The following PPFIA4 variants were observed in gnomAD, a reference collection of about 807,000 sequenced individuals.
The protein encoded by PPFIA4 is PPFI scaffold protein A4, also known as liprin-alpha-4.
A neutral mutation model predicts 145.7 loss-of-function variants in PPFIA4; 98 were observed. The ratio of observed to expected loss-of-function variants is 0.67; its 90% CI spans 0.57 to 0.80. The LOEUF (loss-of-function observed/expected upper bound fraction) is 0.80. PPFIA4 is among the 30% of genes least tolerant of loss of function. The pLI is 0.00. For synonymous variants in PPFIA4, 628 were observed against 649.6 expected, an observed-to-expected ratio of 0.97 and a Z score of 0.51; for missense variants, 1,457 against 1,632.7, an observed-to-expected ratio of 0.89 and a Z score of 1.85.
chr1:203,045,885 G>A lies in PPFIA4; in HGVS notation c.903G>A (p.Leu301=). ...ACATGGAAGAGCGGATTACTACACT[G>A]GAGAAGCGCTACCTGGCTGCTCAGC... is the stretch of plus-strand genomic sequence containing the variant. The part of the protein sequence containing the change: ...KEDMEERITT[L]EKRYLAAQRE... The change falls in exon 8 of 30, where the codon CTG becomes CTA. Residue 301 remains leucine (L), a synonymous_variant. Coordinates refer to ENST00000295706, the MANE Select transcript of PPFIA4 (RefSeq NM_001304331.2). 1 of 1,612,830 alleles carries A rather than the reference G, an allele frequency of 6.2e-7. No homozygotes were observed. Among genetic ancestry groups the A allele is most frequent in the Non-Finnish European group, 8.5e-7 (1 of 1,179,870 alleles).
Position 203,075,921 on chromosome 1 carries a change from TAACCCGCCG to T in PPFIA4, c.3574+165_3574+173del. On this transcript the variant is annotated intron_variant, in intron 29 of 29. Coordinates refer to ENST00000295706, the MANE Select transcript of PPFIA4 (RefSeq NM_001304331.2). This position sits in a 1 kb window ranked among gnomAD's most constrained non-coding sequence, Gnocchi z 4.1. ...CTCCGCGGGGAGCGTGTGTGCGCAC[TAACCCGCCG>T]CTCTGTGTGTTCTCCCGCGGCTGCC... The T allele has an allele frequency of 2.8e-6, 2 of 711,678 alleles. No individual in the cohort carries two copies. Among genetic ancestry groups the T allele is most frequent in the Non-Finnish European group, 2.1e-6 (1 of 483,092 alleles). 44.1% of individuals were successfully genotyped at this position (711,678 alleles called of 1,614,324 possible).
Position 203,068,726 on chromosome 1 carries a change from G to C in PPFIA4, c.3324+98G>C. ...ACACAAAGGCTTAGGTATCTTGGGG[G>C]GTGGGGAGCTTTTCTAGGGCCTATG... On this transcript the variant is annotated intron_variant, in intron 27 of 29. Transcript: ENST00000295706. This position sits in a 1 kb window ranked among gnomAD's most constrained non-coding sequence, Gnocchi z 4.7. The C allele has an allele frequency of 2.4e-6, 3 of 1,275,876 alleles. No homozygotes were observed. The highest frequency in any genetic ancestry group is 5.9e-5 in the East Asian group (2 of 33,682). 79.0% of individuals were successfully genotyped at this position (1,275,876 alleles called of 1,614,324 possible). A position where few individuals can be genotyped will look rare whatever the true frequency, so the allele number is the denominator to read the frequency against.
intron 1 of PPFIA4, among the ~76,000 whole-genome samples, chr1:203,032,426 C>CTTTTTTTTTTTTTTTTTTTTTTTT (rs67178955): frequency 1.7e-5 from 1 of 59,484 alleles, no homozygotes; most frequent in Admixed American, 1.3e-4. Context: ...CCCTTCCCCG[C>CTTTTTTTTTTTTTTTTTTTTTTTT]TTTTTTGTTG....
chr1:203,057,444 C>G (rs1336193822), intron 19 of PPFIA4, among the ~76,000 whole-genome samples: 1 of 152,200 alleles, frequency 6.6e-6, no homozygotes, highest in Non-Finnish European at 1.5e-5. Flanking sequence ...GCAAGCGTGG[C>G]ATCGTTATCA....
At position 203,061,051 on chromosome 1, in the gene PPFIA4, C is replaced by T. The variant is rs371341667; in HGVS notation, c.2847+19C>T. On this transcript the variant is annotated intron_variant, in intron 23 of 29. Coordinates refer to ENST00000295706, the MANE Select transcript of PPFIA4 (RefSeq NM_001304331.2). ...TAAAACAGTGAGTCTGGCCCTTGGC[C>T]TTTGTCCCTGGGCCTGGGGTTGGGA... The T allele has an allele frequency of 5.7e-4, 926 of 1,613,300 alleles. 2 individuals are homozygous for T. Among genetic ancestry groups the T allele is most frequent in the Non-Finnish European group, 2.1e-4 (242 of 1,179,246 alleles).
rs1023777799 is a variant in PPFIA4, at chr1:203,055,720, G to A, written c.2070+48G>A. ...GCCTGGCATCACTGGACCCTGCACC[G>A]GGGGAGGTTTTAAGGGATGGTAGGA... is the stretch of plus-strand genomic sequence containing the variant. On this transcript the variant is annotated intron_variant, in intron 16 of 29. Transcript: ENST00000295706. The surrounding 1 kb of genome is among the most constrained non-coding windows in gnomAD (Gnocchi z 4.8). The A allele has an allele frequency of 3.1e-6, 5 of 1,605,432 alleles. No individual in the cohort carries two copies. The African/African-American group carries it at 4.0e-5, about 13-fold the overall frequency.
In PPFIA4 at chr1:203,054,506, G is replaced by A. The variant is rs372771615; in HGVS notation, c.1829+545G>A. ...GGCATCAAACAGAAACAGTGACAGG[G>A]AACGTTGTGAAAACCTTCACTTTGT... is the stretch of plus-strand genomic sequence containing the variant. On this transcript the variant is annotated intron_variant, in intron 15 of 29. Transcript: ENST00000295706. Among the ~76,000 whole-genome samples the A allele has an allele frequency of 6.6e-5, 10 of 152,284 alleles. No homozygotes were observed. In the East Asian group the frequency reaches 9.6e-4, roughly 15 times the overall value.
intron 28 of PPFIA4, among the ~76,000 whole-genome samples, chr1:203,073,280 C>T (rs894901040): frequency 2.2e-4 from 33 of 152,184 alleles, no homozygotes; most frequent in African/African-American, 7.7e-4. Context: ...AGATGCGAGT[C>T]TGATTTCTGA....
Position 203,077,181 on chromosome 1 carries a change from G to A in PPFIA4, c.*791G>A. ...CATAGGCAGACCAGCCAGAGGGAGA[G>A]CCAATGGCCTCTGGTAGCCTTAAGC... On this transcript the variant is annotated 3_prime_UTR_variant, in exon 30 of 30. Transcript: ENST00000295706. 6.6e-6 allele frequency: 1 copy of A among 152,250 alleles called. No homozygotes were observed. Among genetic ancestry groups the A allele is most frequent in the Middle Eastern group, 3.1e-3 (1 of 318 alleles). The allele number at this position is 152,250 out of a possible 1,614,324, so 9.4% of individuals were successfully genotyped here.
chr1:203,042,393 A>G (rs1659758456), intron 2 of PPFIA4, among the ~76,000 whole-genome samples: 1 of 152,200 alleles, frequency 6.6e-6, no homozygotes, highest in South Asian at 2.1e-4. Context: ...TGGTAAAGCC[A>G]GGGCAACTGC....
At chr1:203,061,973 C>G (rs930349764) in intron 24 of PPFIA4, among the ~76,000 whole-genome samples, 3 of 152,154 alleles carry the variant, frequency 2.0e-5, no homozygotes, top group African/African-American at 7.2e-5. Flanking sequence ...TAGTATGAGT[C>G]TTCTTCCTCT....
At chr1:203,064,133 C>G in intron 25 of PPFIA4, 130 bp downstream of exon 25, 1 of 950,810 alleles carries the variant, frequency 1.1e-6, no homozygotes, top group Non-Finnish European at 1.5e-6. Flanking sequence ...AGGTCTCCCC[C>G]TTGGGAAAGT....
At chr1:203,039,826 C>T (rs542096484) in intron 2 of PPFIA4, among the ~76,000 whole-genome samples, 1 of 152,232 alleles carries the variant, frequency 6.6e-6, no homozygotes, top group African/African-American at 2.4e-5. Context: ...TAAACTCTTA[C>T]AACCCTGAAG....
Position 203,060,873 on chromosome 1 carries a change from A to T in PPFIA4, c.2785-97A>T. The T allele has an allele frequency of 9.2e-7, 1 of 1,088,728 alleles. No individual in the cohort carries two copies. The highest frequency in any genetic ancestry group is 1.4e-6 in the Non-Finnish European group (1 of 712,254). The allele number at this position is 1,088,728 out of a possible 1,614,324, so 67.4% of individuals were successfully genotyped here. A position where few individuals can be genotyped will look rare whatever the true frequency, so the allele number is the denominator to read the frequency against. Reference sequence around the variant, plus strand: ...GACCAGCCCCCATTTCAGAGGACTCAGGGAGGGAGCTTTGTCCTTGTCCTT... The same window carrying T: ...GACCAGCCCCCATTTCAGAGGACTCTGGGAGGGAGCTTTGTCCTTGTCCTT... On this transcript the variant is annotated intron_variant, in intron 22 of 29. Transcript: ENST00000295706. The surrounding 1 kb of genome is among the most constrained non-coding windows in gnomAD (Gnocchi z 4.8).
chr1:203,037,593 C>T (rs953170982), intron 1 of PPFIA4, among the ~76,000 whole-genome samples: 6 of 152,220 alleles, frequency 3.9e-5, no homozygotes, highest in African/African-American at 1.4e-4. Context: ...TCGCTGCATG[C>T]GGCCTTTTTC....
intron 1 of PPFIA4, among the ~76,000 whole-genome samples, chr1:203,028,567 G>A (rs142248024): frequency 7.9e-5 from 12 of 152,252 alleles, no homozygotes; most frequent in African/African-American, 2.6e-4. Flanking sequence ...TCTTCCCTGG[G>A]CTTTAGGCCC....
intron 13 of PPFIA4, among the ~76,000 whole-genome samples, chr1:203,050,811 C>T (rs957089589): frequency 1.5e-4 from 22 of 151,550 alleles, no homozygotes; most frequent in Admixed American, 2.0e-4. Flanking sequence ...CCATCCTGAC[C>T]AGAAGAGACA....
intron 14 of PPFIA4, among the ~76,000 whole-genome samples, chr1:203,052,452 G>T (rs1660602241): frequency 6.6e-6 from 1 of 152,080 alleles, no homozygotes; most frequent in South Asian, 2.1e-4. Flanking sequence ...CTGAATCCAG[G>T]TCCTCTAAAT....
chr1:203,030,244 C>T (rs1001123767), intron 1 of PPFIA4, among the ~76,000 whole-genome samples: 11 of 152,030 alleles, frequency 7.2e-5, no homozygotes, highest in African/African-American at 2.7e-4. Context: ...GGGAAGTGGC[C>T]TGTGTGACCT....
Sources: allele counts gnomAD v4.1 joint callset (sites outside exome capture counted in the v4.1 genomes callset), GRCh38; gene constraint gnomAD v4.1.1; non-coding constraint Gnocchi (gnomAD v3.1); transcripts MANE v1.5; gene names NCBI Gene and HGNC (gene_info 2026-07-23, HGNC 2026-07-21).